IQCE: variants seen among roughly 807,000 people sequenced by gnomAD.
The protein encoded by IQCE is IQ domain-containing protein E.
A neutral mutation model predicts 96.0 loss-of-function variants in IQCE; 115 were observed. The ratio of observed to expected loss-of-function variants is 1.20; its 90% CI spans 1.03 to 1.40. The LOEUF (loss-of-function observed/expected upper bound fraction) is 1.40. Among genes scored for constraint, IQCE ranks in the 40% most tolerant of loss-of-function variants. The pLI is 0.00. For synonymous variants in IQCE, 412 were observed against 371.2 expected (o/e 1.11, Z -1.26); for missense variants, 1,041 against 909.1 (o/e 1.15, Z -1.87).
intron 18 of IQCE, 68 bp downstream of exon 18, chr7:2,601,532 A>G (rs953523863): frequency 5.5e-6 from 6 of 1,085,310 alleles, no homozygotes; most frequent in Non-Finnish European, 8.5e-6. Flanking sequence ...GTGAGGGGAT[A>G]TTTAAAGATG....
At chr7:2,560,901 G>T (rs1393957972) in intron 1 of IQCE, among the ~76,000 whole-genome samples, 2 of 143,738 alleles carry the variant, frequency 1.4e-5, no homozygotes, top group Non-Finnish European at 1.5e-5. Context: ...AGCTTGCAGC[G>T]AGCCAAGATC....
At chr7:2,565,116 A>G (rs998192014) in intron 1 of IQCE, among the ~76,000 whole-genome samples, 4 of 130,904 alleles carry the variant, frequency 3.1e-5, no homozygotes, top group Non-Finnish European at 4.7e-5. Context: ...GTGTGAGTGC[A>G]TGTGTGCATG....
In IQCE at chr7:2,593,063, A is replaced by T; in HGVS notation, c.1286A>T (p.Glu429Val). 6.2e-7 allele frequency: 1 copy of T among 1,611,654 alleles called. No homozygotes were observed. The highest frequency in any genetic ancestry group is 8.5e-7 in the Non-Finnish European group (1 of 1,178,002). Residue 429 changes from glutamate (E) to valine (V), a missense_variant, in exon 15 of 22, where the codon GAG (glutamate) becomes GTG (valine). Glu to Val is a moderately radical substitution (Grantham distance 121). Coordinates refer to ENST00000402050, the MANE Select transcript of IQCE (RefSeq NM_152558.5). ...KQLLQAKADL[E>V]KELECAREGE... is the part of the protein sequence containing the mutation. ...CTCCTGCAGGCGAAGGCCGACCTGG[A>T]GAAGGAGCTGGAGTGCGCGAGGGAG...
At chr7:2,586,412 TGGCAGGGAA>T in intron 12 of IQCE, 41 bp downstream of exon 12, 1 of 99,968 alleles carries the variant, frequency 1.0e-5, no homozygotes. Context: ...GGCCAGGGAA[TGGCAGGGAA>T]TGGCAGGGCA....
chr7:2,573,800 G>C (rs1282030667), intron 6 of IQCE, among the ~76,000 whole-genome samples: 1 of 152,200 alleles, frequency 6.6e-6, no homozygotes, highest in Non-Finnish European at 1.5e-5. Flanking sequence ...TGGGTACTGT[G>C]ATAAGGTCAC....
At chr7:2,593,397 C>A (rs1482586989) in intron 15 of IQCE, among the ~76,000 whole-genome samples, 1 of 152,248 alleles carries the variant, frequency 6.6e-6, no homozygotes, top group Non-Finnish European at 1.5e-5. Flanking sequence ...AGCTGTCACA[C>A]TGGCCTCTGG....
intron 21 of IQCE, among the ~76,000 whole-genome samples, chr7:2,608,268 C>G (rs548390372): frequency 1.3e-5 from 2 of 152,162 alleles, no homozygotes; most frequent in Admixed American, 1.3e-4. Flanking sequence ...TGTGCTGACG[C>G]GGAGTCACGG....
In IQCE at chr7:2,610,527, C is replaced by T. The variant is rs1156280080; in HGVS notation, c.*365C>T. 1 of 207,048 alleles carries T rather than the reference C, an allele frequency of 4.8e-6. No homozygotes were observed. Among genetic ancestry groups the T allele is most frequent in the African/African-American group, 2.3e-5 (1 of 42,770 alleles). The allele number at this position is 207,048 out of a possible 1,614,324, so 12.8% of individuals were successfully genotyped here. On this transcript the variant is annotated 3_prime_UTR_variant, in exon 22 of 22. Coordinates refer to ENST00000402050, the MANE Select transcript of IQCE (RefSeq NM_152558.5). ...CTTGACCGTGAGGAGCTGCTATCCGCAACCAGCGCCGACACCATGCCCCCT... is the reference window on the plus strand; with the variant it reads ...CTTGACCGTGAGGAGCTGCTATCCGTAACCAGCGCCGACACCATGCCCCCT...
intron 10 of IQCE, 46 bp from the exon 11 acceptor site, chr7:2,584,190 C>G: frequency 3.2e-6 from 5 of 1,551,472 alleles, no homozygotes; most frequent in South Asian, 1.1e-5. Context: ...AAGGTCTTCT[C>G]CATGCTAGCC....
At position 2,586,230 on chromosome 7, in the gene IQCE, G is replaced by T; in HGVS notation, c.847G>T (p.Gly283Cys). 1 of 1,613,840 alleles carries T rather than the reference G, an allele frequency of 6.2e-7. No individual in the cohort carries two copies. The highest frequency in any genetic ancestry group is 1.1e-5 in the South Asian group (1 of 91,046). ...GKKPLGEKKTGAKRQKKMGSA... is the reference protein window; with the variant it reads ...GKKPLGEKKTCAKRQKKMGSA... ...CAGGCCCCTGGGGGAGAAGAAGACG[G>T]GCGCCAAAAGGCAGAAGAAGATGGG... Residue 283 changes from glycine to cysteine, a missense_variant, in exon 12 of 22, where the codon GGC becomes TGC. Coordinates refer to ENST00000402050, the MANE Select transcript of IQCE (RefSeq NM_152558.5).
chr7:2,588,654 GTTTTT>G (rs370704456), intron 13 of IQCE, among the ~76,000 whole-genome samples: 20 of 49,748 alleles, frequency 4.0e-4, no homozygotes. Context: ...TGCCTGGCTG[GTTTTT>G]TTTTTTTTTT....
In IQCE at chr7:2,571,639, G is replaced by A. The variant is rs747123709; in HGVS notation, c.244G>A (p.Gly82Arg). The A allele has an allele frequency of 3.1e-6, 5 of 1,599,920 alleles. No individual in the cohort carries two copies. The highest frequency in any genetic ancestry group is 4.2e-6 in the Non-Finnish European group (5 of 1,179,874). ...ASLTPQKLWL[G>R]TAKPGSLTQA... Reference sequence around the variant, plus strand: ...CCTGACCCCGCAGAAGCTGTGGCTGGGAACCGCAAAGCCAGGTATGTGGTT... The same window carrying A: ...CCTGACCCCGCAGAAGCTGTGGCTGAGAACCGCAAAGCCAGGTATGTGGTT... Residue 82 changes from glycine (G) to arginine (R), a missense_variant, in exon 4 of 22, where the codon GGA (glycine) becomes AGA (arginine). Gly to Arg is a moderately radical substitution (Grantham distance 125). Coordinates refer to ENST00000402050, the MANE Select transcript of IQCE (RefSeq NM_152558.5).
At chr7:2,591,446 C>A (rs936635139) in intron 14 of IQCE, among the ~76,000 whole-genome samples, 3 of 152,034 alleles carry the variant, frequency 2.0e-5, no homozygotes, top group Non-Finnish European at 4.4e-5. Context: ...CCTCCATCAT[C>A]TTTGGAATGA....
Position 2,589,897 on chromosome 7 carries a change from T to C in IQCE, c.1045-10T>C. ...AACTAGTATCTAACACATGTCTGTG[T>C]TGCCTCCAGAAACTAAGTGTGATGG... On this transcript the variant is annotated splice_polypyrimidine_tract_variant and intron_variant, in intron 13 of 21. Transcript: ENST00000402050. 6.2e-7 allele frequency: 1 copy of C among 1,612,992 alleles called. No individual in the cohort carries two copies. Among genetic ancestry groups the C allele is most frequent in the Non-Finnish European group, 8.5e-7 (1 of 1,179,418 alleles).
chr7:2,563,677 G>A (rs974426788), intron 1 of IQCE, among the ~76,000 whole-genome samples: 4 of 151,818 alleles, frequency 2.6e-5, no homozygotes, highest in Non-Finnish European at 5.9e-5. Context: ...GGCGGATCAC[G>A]AGGTCAGGAG....
chr7:2,570,756 CCTTA>C (rs1392236721), intron 3 of IQCE, among the ~76,000 whole-genome samples: 1 of 151,964 alleles, frequency 6.6e-6, no homozygotes, highest in East Asian at 1.9e-4. Context: ...AAAACATTTC[CCTTA>C]CTTTCATACA....
In IQCE at chr7:2,587,093, G is replaced by A. The variant is rs144725929; in HGVS notation, c.988+722G>A. ...CAGGGTCTGGTTGCATCTTGTAGCT[G>A]GAGCTTAGGGAAACTGCAGAGAGGG... On this transcript the variant is annotated intron_variant, in intron 12 of 21. Transcript: ENST00000402050. 2.8e-3 allele frequency among the ~76,000 whole-genome samples: 424 copies of A among 152,322 alleles called. 1 individual carries two copies. The highest frequency in any genetic ancestry group is 9.7e-3 in the African/African-American group (405 of 41,562).
intron 11 of IQCE, among the ~76,000 whole-genome samples, chr7:2,585,614 C>T (rs1583453330): frequency 6.6e-6 from 1 of 152,350 alleles, no homozygotes; most frequent in Non-Finnish European, 1.5e-5. Flanking sequence ...CAGCGCCAGG[C>T]AGGCCACAGA....
Position 2,594,876 on chromosome 7 carries a change from T to C in IQCE, c.1350-10T>C. On this transcript the variant is annotated splice_polypyrimidine_tract_variant and intron_variant, in intron 15 of 21. Coordinates refer to ENST00000402050, the MANE Select transcript of IQCE (RefSeq NM_152558.5). ...GGTGAGGTGTCTCATCTTTTCCCTT[T>C]CCGCCTTAGAGAGGAGATTCAGACA... The C allele has an allele frequency of 1.2e-6, 2 of 1,601,974 alleles. No homozygotes were observed. Among genetic ancestry groups the C allele is most frequent in the Non-Finnish European group, 8.6e-7 (1 of 1,168,880 alleles).
Sources: gnomAD v4.1 joint callset for allele counts (sites outside exome capture counted in the v4.1 genomes callset) on GRCh38, gnomAD v4.1.1 for gene constraint, MANE v1.5 for transcripts, NCBI Gene and HGNC (gene_info 2026-07-23, HGNC 2026-07-21) for gene names.